Variants in DYNC1H1 observed in about 807,000 individuals in gnomAD.
The protein encoded by DYNC1H1 is dynein cytoplasmic 1 heavy chain 1, also known as cytoplasmic dynein 1 heavy chain 1.
Under a neutral mutation model 527.1 loss-of-function variants are expected in DYNC1H1, and 51 were observed. That is an observed-to-expected ratio of 0.10 (90% confidence interval 0.08 to 0.12). The LOEUF (loss-of-function observed/expected upper bound fraction) is 0.12. Ranked by LOEUF, DYNC1H1 falls within the 10% of genes least tolerant of loss-of-function variation. DYNC1H1 has a pLI of 1.00. For missense variants in DYNC1H1, 2,771 were observed against 5,971.8 expected, an observed-to-expected ratio of 0.46 and a Z score of 17.66; for synonymous variants, 2,189 against 2,278.8, an observed-to-expected ratio of 0.96 and a Z score of 1.12.
At chr14:102,022,994 GTCTC>G (rs1417655897) in intron 43 of DYNC1H1, 114 bp downstream of exon 43, 2 of 1,514,404 alleles carry the variant, frequency 1.3e-6, no homozygotes, top group African/African-American at 2.7e-5. Flanking sequence ...TGGGTATGGT[GTCTC>G]ACACCTGTAA....
At position 102,002,987 on chromosome 14, in the gene DYNC1H1, G is replaced by C; in HGVS notation, c.4883+22G>C. On this transcript the variant is annotated intron_variant, in intron 23 of 77. Transcript: ENST00000360184. The surrounding 1 kb of genome is among the most constrained non-coding windows in gnomAD (Gnocchi z 4.4). ...CCAGGTAAGATCCTTGCTTTGACTTGGCCTGGAGTCAAGTTGAATTTCAGT... is the reference window on the plus strand; with the variant it reads ...CCAGGTAAGATCCTTGCTTTGACTTCGCCTGGAGTCAAGTTGAATTTCAGT... 1.2e-6 allele frequency: 2 copies of C among 1,613,656 alleles called. No homozygotes were observed. The highest frequency in any genetic ancestry group is 1.7e-6 in the Non-Finnish European group (2 of 1,179,992).
intron 51 of DYNC1H1, among the ~76,000 whole-genome samples, chr14:102,031,089 C>G (rs986078087): frequency 6.6e-6 from 1 of 152,178 alleles, no homozygotes; most frequent in African/African-American, 2.4e-5. Context: ...TTCAAATGCA[C>G]CACTCAACCT....
chr14:101,980,481 C>T lies in DYNC1H1; in HGVS notation c.892C>T (p.Leu298Phe). ...IQEKRESPEV[L>F]LTLDILKHGK... ...GGAGAAACGGGAGAGCCCGGAAGTT[C>T]TCCTGACTCTGGATATCTTGAAACA... Residue 298 changes from leucine to phenylalanine, a missense_variant, in exon 5 of 78, where the codon CTC (leucine) becomes TTC (phenylalanine). Leu to Phe is a conservative substitution (Grantham distance 22, BLOSUM62 0). Coordinates refer to ENST00000360184, the MANE Select transcript of DYNC1H1 (RefSeq NM_001376.5). The T allele has an allele frequency of 6.2e-7, 1 of 1,614,218 alleles. No homozygotes were observed. Among genetic ancestry groups the T allele is most frequent in the East Asian group, 2.2e-5 (1 of 44,886 alleles).
chr14:101,967,249 G>A (rs1362197922), intron 1 of DYNC1H1, among the ~76,000 whole-genome samples: 1 of 152,108 alleles, frequency 6.6e-6, no homozygotes, highest in South Asian at 2.1e-4. Flanking sequence ...TTTGGCATTT[G>A]TACATTTAAT....
chr14:101,968,533 GTGTT>G (rs1027998121), intron 1 of DYNC1H1, among the ~76,000 whole-genome samples: 3 of 151,166 alleles, frequency 2.0e-5, no homozygotes, highest in African/African-American at 7.3e-5. Flanking sequence ...CACACCCCAC[GTGTT>G]TGTTTGTTTA....
At chr14:102,028,365 A>C in intron 48 of DYNC1H1, 6 of 471,100 alleles carry the variant, frequency 1.3e-5, no homozygotes, top group Non-Finnish European at 1.6e-5. Flanking sequence ...TACAAAGAAA[A>C]TTAGCCGGGC....
chr14:102,033,444 C>T lies in DYNC1H1; in HGVS notation c.10373C>T (p.Ala3458Val). ...GAATACGCCGTCCTGATCTCAGAGG[C>T]CCAGGCCATCAAGGCAGACCTGGCA... is the stretch of plus-strand genomic sequence containing the variant. ...KEEYAVLISE[A>V]QAIKADLAAV... is the part of the protein sequence containing the mutation. Residue 3458 changes from alanine to valine, a missense_variant, in exon 54 of 78, where the codon GCC (alanine) becomes GTC (valine). Transcript: ENST00000360184. This position sits in a 1 kb window ranked among gnomAD's most constrained non-coding sequence, Gnocchi z 5.6. 1 of 1,614,170 alleles carries T rather than the reference C, an allele frequency of 6.2e-7. No individual in the cohort carries two copies. The highest frequency in any genetic ancestry group is 8.5e-7 in the Non-Finnish European group (1 of 1,180,036).
At position 102,041,127 on chromosome 14, in the gene DYNC1H1, C is replaced by T; in HGVS notation, c.11942-447C>T. 2.9e-6 allele frequency: 1 copy of T among 344,774 alleles called. No homozygotes were observed. Among genetic ancestry groups the T allele is most frequent in the Non-Finnish European group, 5.6e-6 (1 of 179,498 alleles). 21.4% of individuals were successfully genotyped at this position (344,774 alleles called of 1,614,324 possible). ...CCACAAGAGAACTAGATGGGGAACT[C>T]CTGCCTAATGCTAAGGAGTTAACTG... is the stretch of plus-strand genomic sequence containing the variant. On this transcript the variant is annotated intron_variant, in intron 64 of 77. Coordinates refer to ENST00000360184, the MANE Select transcript of DYNC1H1 (RefSeq NM_001376.5). This position sits in a 1 kb window ranked among gnomAD's most constrained non-coding sequence, Gnocchi z 4.5.
rs746344551 is a variant in DYNC1H1, at chr14:102,042,588, C to T, written c.12400-47C>T. 6.2e-6 allele frequency: 10 copies of T among 1,613,586 alleles called. No individual in the cohort carries two copies. In the South Asian group the frequency reaches 6.6e-5, roughly 11 times the overall value. ...CACGTGTGTGGTGGAATTGAACAGG[C>T]GCCCTCATCCACACCCGAGCATAAC... is the stretch of plus-strand genomic sequence containing the variant. On this transcript the variant is annotated intron_variant, in intron 68 of 77. Transcript: ENST00000360184. This position sits in a 1 kb window ranked among gnomAD's most constrained non-coding sequence, Gnocchi z 5.7.
Position 102,038,069 on chromosome 14 carries a change from C to G in DYNC1H1, c.10909-391C>G, listed in dbSNP as rs1388187628. The G allele has an allele frequency of 2.9e-6, 1 of 342,276 alleles. No homozygotes were observed. The highest frequency in any genetic ancestry group is 5.7e-6 in the Non-Finnish European group (1 of 174,756). 21.2% of individuals were successfully genotyped at this position (342,276 alleles called of 1,614,324 possible). A position where few individuals can be genotyped will look rare whatever the true frequency, so the allele number is the denominator to read the frequency against. ...TGTTGCTCTGTCCCCCAGTCTGAAC[C>G]TCCCAGGTTCAAGCAATTCTGTCTC... On this transcript the variant is annotated intron_variant, in intron 57 of 77. Transcript: ENST00000360184. This position sits in a 1 kb window ranked among gnomAD's most constrained non-coding sequence, Gnocchi z 7.2.
intron 42 of DYNC1H1, among the ~76,000 whole-genome samples, chr14:102,021,835 ATTT>A (rs1320546279): frequency 6.6e-6 from 1 of 151,358 alleles, no homozygotes; most frequent in Non-Finnish European, 1.5e-5. Flanking sequence ...TGATTTTTAT[ATTT>A]TTAGTAGAGA....
At position 102,040,351 on chromosome 14, in the gene DYNC1H1, G is replaced by A. The variant is rs780676515; in HGVS notation, c.11806G>A (p.Val3936Met). 2.9e-5 allele frequency: 47 copies of A among 1,614,106 alleles called. No individual in the cohort carries two copies. In the Admixed American group the frequency reaches 3.8e-4, roughly 13 times the overall value. Residue 3936 changes from valine to methionine, a missense_variant, in exon 63 of 78, where the codon GTG becomes ATG. Physicochemically the swap from Val to Met is conservative, Grantham distance 21. Transcript: ENST00000360184. Reference protein sequence around the residue: ...GLTVEQAEAVVRLSCLPAFKD... With the variant: ...GLTVEQAEAVMRLSCLPAFKD... ...GACTGTGGAGCAGGCGGAGGCGGTGGTGAGGCTGAGCTGCCTTCCCGCGTT... is the reference window on the plus strand; with the variant it reads ...GACTGTGGAGCAGGCGGAGGCGGTGATGAGGCTGAGCTGCCTTCCCGCGTT...
Position 102,055,344 on chromosome 14 carries a change from A to G in DYNC1H1, c.*4781A>G, listed in dbSNP as rs1306934025. On this transcript the variant is annotated 3_prime_UTR_variant, in exon 78 of 78. Coordinates refer to ENST00000360184, the MANE Select transcript of DYNC1H1 (RefSeq NM_001376.5). ...AGACCGAGAGCGCGTGGCTGTGTCT[A>G]CAAAGGCCTCCTCTTTGAGGGAGAC... 6.6e-6 allele frequency: 1 copy of G among 151,958 alleles called. No individual in the cohort carries two copies. The highest frequency in any genetic ancestry group is 1.5e-5 in the Non-Finnish European group (1 of 68,030). The allele number at this position is 151,958 out of a possible 1,614,324, so 9.4% of individuals were successfully genotyped here.
rs758595665 is a variant in DYNC1H1, at chr14:102,036,821, A to G, written c.10908+179A>G. 12 of 887,666 alleles carry G rather than the reference A, an allele frequency of 1.4e-5. No individual in the cohort carries two copies. The highest frequency in any genetic ancestry group is 1.7e-5 in the African/African-American group (1 of 59,758). 55.0% of individuals were successfully genotyped at this position (887,666 alleles called of 1,614,324 possible). ...ATTATTTGCATTTAAAATTCTATTC[A>G]GTGGTCGGGCGAGGTGGCTCACACC... On this transcript the variant is annotated intron_variant, in intron 57 of 77. Transcript: ENST00000360184. The surrounding 1 kb of genome is among the most constrained non-coding windows in gnomAD (Gnocchi z 5.6).
At position 101,986,910 on chromosome 14, in the gene DYNC1H1, T is replaced by C; in HGVS notation, c.2538+147T>C. 9.8e-7 allele frequency: 1 copy of C among 1,020,252 alleles called. No homozygotes were observed. The highest frequency in any genetic ancestry group is 1.3e-5 in the South Asian group (1 of 76,698). 63.2% of individuals were successfully genotyped at this position (1,020,252 alleles called of 1,614,324 possible). ...TGAGCTGCAAGGGAGGAGGACCCTT[T>C]GTACTCACCGGGCTATTTAATGGTG... On this transcript the variant is annotated intron_variant, in intron 8 of 77. Coordinates refer to ENST00000360184, the MANE Select transcript of DYNC1H1 (RefSeq NM_001376.5). This position sits in a 1 kb window ranked among gnomAD's most constrained non-coding sequence, Gnocchi z 8.7.
At chr14:101,969,081 G>A (rs530149201) in intron 1 of DYNC1H1, among the ~76,000 whole-genome samples, 48 of 151,708 alleles carry the variant, frequency 3.2e-4, no homozygotes, top group African/African-American at 9.4e-4. Flanking sequence ...GCAGTGGCAC[G>A]ATCTCAGCTC....
chr14:101,995,384 G>A, intron 15 of DYNC1H1, 84 bp downstream of exon 15: 1 of 1,541,182 alleles, frequency 6.5e-7, no homozygotes, highest in Non-Finnish European at 8.9e-7. Context: ...GGCCGAGGCG[G>A]GCGGATCACG....
At chr14:101,999,520 G>A (rs2048106403) in intron 16 of DYNC1H1, among the ~76,000 whole-genome samples, 1 of 152,214 alleles carries the variant, frequency 6.6e-6, no homozygotes, top group Admixed American at 6.5e-5. Flanking sequence ...TTATTAAAAT[G>A]AAAAGGAAGT....
chr14:102,034,729 G>A, intron 56 of DYNC1H1: 1 of 533,894 alleles, frequency 1.9e-6, no homozygotes, highest in Non-Finnish European at 3.4e-6. Flanking sequence ...TTTGAGACCA[G>A]CCTGGCCAAC....
Sources: allele counts gnomAD v4.1 joint callset (sites outside exome capture counted in the v4.1 genomes callset), GRCh38; gene constraint gnomAD v4.1.1; non-coding constraint Gnocchi (gnomAD v3.1); transcripts MANE v1.5; gene names NCBI Gene and HGNC (gene_info 2026-07-23, HGNC 2026-07-21).